Variants in NRXN1 observed in about 807,000 individuals in gnomAD.
The protein encoded by NRXN1 is neurexin 1.
In NRXN1, 39 loss-of-function variants were observed where a neutral mutation model predicts 150.9. The observed-to-expected ratio is 0.26, with a 90% CI of 0.20 to 0.34. The LOEUF is 0.34. NRXN1 is among the 10% of genes least tolerant of loss of function. The pLI, the probability that NRXN1 is intolerant of heterozygous loss-of-function variation, is 1.00. For synonymous variants in NRXN1, 924 were observed against 757.0 expected (o/e 1.22, Z -3.62); for missense variants, 1,815 against 1,949.9 (o/e 0.93, Z 1.30).
At chr2:50,403,633 C>T (rs147378632) in intron 17 of NRXN1, among the ~76,000 whole-genome samples, 53 of 151,966 alleles carry the variant, frequency 3.5e-4, no homozygotes, top group African/African-American at 1.1e-3. Context: ...TCAAAAGAGA[C>T]GATAATAAGA....
intron 5 of NRXN1, among the ~76,000 whole-genome samples, chr2:50,852,665 T>A (rs1387233729): frequency 6.6e-6 from 1 of 152,186 alleles, no homozygotes; most frequent in Non-Finnish European, 1.5e-5. Flanking sequence ...TTCTCATTCA[T>A]ATATACACAC....
intron 20 of NRXN1, among the ~76,000 whole-genome samples, chr2:50,053,972 C>G (rs1336824379): frequency 6.6e-6 from 1 of 152,122 alleles, no homozygotes; most frequent in Non-Finnish European, 1.5e-5. Context: ...GAAATTACCA[C>G]TGACAGAAAC....
At chr2:50,454,241 G>C (rs964378898) in intron 17 of NRXN1, among the ~76,000 whole-genome samples, 2 of 152,078 alleles carry the variant, frequency 1.3e-5, no homozygotes, top group South Asian at 2.1e-4. Context: ...CACGAGAATC[G>C]CTTGAACCTG....
At chr2:50,532,114 G>T (rs1371090064) in intron 10 of NRXN1, among the ~76,000 whole-genome samples, 1 of 152,070 alleles carries the variant, frequency 6.6e-6, no homozygotes, top group Non-Finnish European at 1.5e-5. Flanking sequence ...GTTCCCAAAA[G>T]GAACCTGTGC....
At chr2:50,631,213 C>A in intron 5 of NRXN1, 1 of 402,448 alleles carries the variant, frequency 2.5e-6, no homozygotes, top group Non-Finnish European at 4.9e-6. Flanking sequence ...TCTAACTTCT[C>A]TTGTTCTGCA....
In NRXN1 at chr2:50,053,535, C is replaced by T. The variant is rs1448394086; in HGVS notation, c.3864G>A (p.Glu1288=). 1 of 1,614,062 alleles carries T rather than the reference C, an allele frequency of 6.2e-7. No homozygotes were observed. Among genetic ancestry groups the T allele is most frequent in the Admixed American group, 1.7e-5 (1 of 60,008 alleles). The part of the protein sequence containing the change: ...SQATIIIGGK[E]QGQPFQGQLS... ...GCTGGCCCTGGAAGGGCTGGCCCTG[C>T]TCTTTCCCGCCAATTATTATGGTTG... is the stretch of plus-strand genomic sequence containing the variant. Residue 1288 remains glutamate (E), a synonymous_variant, in exon 21 of 23, where the codon GAG becomes GAA. Transcript: ENST00000401669.
At chr2:50,805,850 G>A (rs941123528) in intron 5 of NRXN1, among the ~76,000 whole-genome samples, 7 of 152,042 alleles carry the variant, frequency 4.6e-5, no homozygotes, top group Admixed American at 3.3e-4. Flanking sequence ...CACTTTGTTG[G>A]TTACTTTTAC....
intron 5 of NRXN1, among the ~76,000 whole-genome samples, chr2:50,702,697 T>A (rs1693918337): frequency 6.6e-6 from 1 of 152,180 alleles, no homozygotes; most frequent in South Asian, 2.1e-4. Flanking sequence ...GATTATTTGT[T>A]ATTTTAGATA....
chr2:50,176,485 A>G (rs1211862799), intron 18 of NRXN1, among the ~76,000 whole-genome samples: 1 of 152,098 alleles, frequency 6.6e-6, no homozygotes, highest in Non-Finnish European at 1.5e-5. Flanking sequence ...GATGCCTGTT[A>G]TCACCTCTCC....
intron 18 of NRXN1, among the ~76,000 whole-genome samples, chr2:50,200,554 G>A (rs867196532): frequency 1.3e-4 from 20 of 152,228 alleles, no homozygotes; most frequent in Non-Finnish European, 1.6e-4. Context: ...CTCACTGAGT[G>A]TAAATGGAGA....
intron 17 of NRXN1, among the ~76,000 whole-genome samples, chr2:50,366,009 T>C (rs1284657747): frequency 1.3e-5 from 2 of 151,982 alleles, no homozygotes; most frequent in African/African-American, 4.8e-5. Context: ...TAGAAGTAGG[T>C]TGAAGTCATT....
At chr2:50,383,156 C>A (rs2081087920) in intron 17 of NRXN1, among the ~76,000 whole-genome samples, 1 of 152,082 alleles carries the variant, frequency 6.6e-6, no homozygotes, top group Admixed American at 6.6e-5. Flanking sequence ...AACTTTGAAT[C>A]CCAACTTAGG....
rs531583289 is a variant in NRXN1 at position 50,318,803 on chromosome 2, T to C, written c.3365-81833A>G. Among the ~76,000 whole-genome samples, 147 of 152,152 alleles carry C rather than the reference T, an allele frequency of 9.7e-4. 1 individual carries two copies. The highest frequency in any genetic ancestry group is 1.2e-3 in the Non-Finnish European group (80 of 67,978). On this transcript the variant is annotated intron_variant, in intron 17 of 22. Coordinates refer to ENST00000401669, the MANE Select transcript of NRXN1 (RefSeq NM_001330078.2). Reference sequence around the variant, plus strand: ...GATTATAAACACAAAATTCAGAAGGTAGCTAGCTATCTCAGGATAAATAAG... The same window carrying C: ...GATTATAAACACAAAATTCAGAAGGCAGCTAGCTATCTCAGGATAAATAAG...
intron 5 of NRXN1, among the ~76,000 whole-genome samples, chr2:50,780,050 G>A (rs1291309013): frequency 6.6e-6 from 1 of 152,046 alleles, no homozygotes; most frequent in Non-Finnish European, 1.5e-5. Context: ...ACTTTTTAAT[G>A]ATCTCCATTC....
intron 18 of NRXN1, among the ~76,000 whole-genome samples, chr2:50,155,299 T>C (rs1257812017): frequency 1.3e-5 from 2 of 151,374 alleles, no homozygotes; most frequent in East Asian, 1.9e-4. Context: ...GTCTATAGAG[T>C]AGTGTGGGTA....
At chr2:50,635,175 T>G (rs993594961) in intron 5 of NRXN1, among the ~76,000 whole-genome samples, 1 of 151,898 alleles carries the variant, frequency 6.6e-6, no homozygotes, top group Admixed American at 6.6e-5. Context: ...CTTTTTTTTT[T>G]TTGATAGAGT....
intron 17 of NRXN1, among the ~76,000 whole-genome samples, chr2:50,240,173 C>T (rs998592316): frequency 5.3e-5 from 8 of 151,640 alleles, no homozygotes; most frequent in Non-Finnish European, 8.9e-5. Flanking sequence ...TTTAGAATGA[C>T]TTTACAGTTT....
chr2:50,218,490 C>CTTTTTTTTT (rs34919769), intron 18 of NRXN1, among the ~76,000 whole-genome samples: 3 of 136,754 alleles, frequency 2.2e-5, no homozygotes, highest in Non-Finnish European at 3.2e-5. Flanking sequence ...TTAGCACCTT[C>CTTTTTTTTT]TTTTTTTTTT....
chr2:50,247,263 C>T (rs988206793), intron 17 of NRXN1, among the ~76,000 whole-genome samples: 6 of 152,066 alleles, frequency 3.9e-5, no homozygotes, highest in African/African-American at 1.4e-4. Context: ...ACTCCTCAAC[C>T]TGGTAATGGT....
Sources: gnomAD v4.1 joint callset for allele counts (sites outside exome capture counted in the v4.1 genomes callset) on GRCh38, gnomAD v4.1.1 for gene constraint, MANE v1.5 for transcripts, NCBI Gene and HGNC (gene_info 2026-07-23, HGNC 2026-07-21) for gene names.